Variants in ARHGEF28 observed in about 807,000 individuals in gnomAD.
ARHGEF28 encodes the protein Rho guanine nucleotide exchange factor 28.
In ARHGEF28, 152 loss-of-function variants were observed where a neutral mutation model predicts 206.6. The observed-to-expected ratio is 0.74, with a 90% CI of 0.64 to 0.84. The LOEUF (loss-of-function observed/expected upper bound fraction) is 0.84. Among genes scored for constraint, ARHGEF28 ranks in the 40% least tolerant of loss-of-function variants. The pLI, the probability that ARHGEF28 is intolerant of heterozygous loss-of-function variation, is 0.00. For synonymous variants in ARHGEF28, 763 were observed against 776.4 expected, an observed-to-expected ratio of 0.98 and a Z score of 0.29; for missense variants, 2,028 against 2,073.2, an observed-to-expected ratio of 0.98 and a Z score of 0.42.
chr5:73,909,162 A>C, intron 33 of ARHGEF28: 2 of 391,124 alleles, frequency 5.1e-6, no homozygotes, highest in Non-Finnish European at 9.0e-6. Context: ...ACAGGAGAGG[A>C]TGATATTGCT....
intron 11 of ARHGEF28, 34 bp downstream of exon 11, chr5:73,840,794 A>G (rs1447706740): frequency 1.3e-6 from 2 of 1,569,288 alleles, no homozygotes; most frequent in East Asian, 2.3e-5. Flanking sequence ...AAACTGTAGA[A>G]CATCAAAGAA....
chr5:73,665,817 C>A (rs541849054), intron 1 of ARHGEF28, among the ~76,000 whole-genome samples: 1 of 152,278 alleles, frequency 6.6e-6, no homozygotes, highest in East Asian at 1.9e-4. Context: ...AAGTTTCCAA[C>A]AGGTGCTTTT....
chr5:73,700,246 C>T (rs72770823), intron 2 of ARHGEF28, among the ~76,000 whole-genome samples: 4,736 of 151,968 alleles, frequency 0.031, 103 homozygotes, highest in Middle Eastern at 0.068. Flanking sequence ...TATGGGAACC[C>T]GTGTGTGTGT....
chr5:73,882,627 A>C (rs1561483232), intron 23 of ARHGEF28, 33 bp downstream of exon 23: 4 of 1,428,694 alleles, frequency 2.8e-6, no homozygotes, highest in South Asian at 2.8e-5. Flanking sequence ...ACAAAGTGAT[A>C]AATCAGCATG....
chr5:73,774,249 C>T (rs1421270949), intron 5 of ARHGEF28, among the ~76,000 whole-genome samples: 1 of 152,020 alleles, frequency 6.6e-6, no homozygotes, highest in Non-Finnish European at 1.5e-5. Context: ...TCTCAAAAGG[C>T]TCTGAAAGGA....
intron 35 of ARHGEF28, among the ~76,000 whole-genome samples, chr5:73,940,504 A>G (rs571969707): frequency 2.0e-5 from 3 of 152,144 alleles, no homozygotes; most frequent in Non-Finnish European, 4.4e-5. Flanking sequence ...AATATAGTTG[A>G]TTTACACATA....
intron 2 of ARHGEF28, among the ~76,000 whole-genome samples, chr5:73,728,778 G>A (rs1750432766): frequency 6.6e-6 from 1 of 152,158 alleles, no homozygotes; most frequent in South Asian, 2.1e-4. Context: ...GCTTTCTGTG[G>A]CTGCTCTTTC....
intron 22 of ARHGEF28, among the ~76,000 whole-genome samples, chr5:73,880,769 C>CA (rs1022918783): frequency 6.6e-6 from 1 of 152,060 alleles, no homozygotes; most frequent in Non-Finnish European, 1.5e-5. Flanking sequence ...CCTGTCTCTA[C>CA]AAAAAATACA....
chr5:73,680,528 G>C (rs1219750507), intron 1 of ARHGEF28, among the ~76,000 whole-genome samples: 5 of 151,690 alleles, frequency 3.3e-5, no homozygotes. Flanking sequence ...GATGGGAGGG[G>C]AGTGAGGGAT....
At chr5:73,841,593 T>C (rs1002296827) in intron 11 of ARHGEF28, among the ~76,000 whole-genome samples, 4 of 151,580 alleles carry the variant, frequency 2.6e-5, no homozygotes, top group Admixed American at 6.6e-5. Context: ...GTGGTCCTGA[T>C]ACTTGGCAGG....
At chr5:73,931,502 CTGTT>C (rs1764117654) in intron 35 of ARHGEF28, among the ~76,000 whole-genome samples, 1 of 151,876 alleles carries the variant, frequency 6.6e-6, no homozygotes, top group Non-Finnish European at 1.5e-5. Context: ...TCTGATTTTT[CTGTT>C]TGTTTCATTT....
At chr5:73,747,680 T>C (rs982256778) in intron 2 of ARHGEF28, among the ~76,000 whole-genome samples, 3 of 152,212 alleles carry the variant, frequency 2.0e-5, no homozygotes, top group African/African-American at 7.2e-5. Flanking sequence ...GGTTACCATA[T>C]AAGAGACTTT....
At position 73,909,502 on chromosome 5, in the gene ARHGEF28, C is replaced by T. The variant is rs756393972; in HGVS notation, c.4252C>T (p.Arg1418Ter). 6.2e-7 allele frequency: 1 copy of T among 1,609,494 alleles called. No individual in the cohort carries two copies. The highest frequency in any genetic ancestry group is 2.2e-5 in the East Asian group (1 of 44,728). Residue 1418 changes from arginine (R) to a stop codon, truncating the protein, a stop_gained, in exon 34 of 36, where the codon CGA (arginine) becomes TGA (stop). Transcript: ENST00000513042. LOFTEE classifies it high-confidence loss of function. The stretch of plus-strand genomic sequence containing the variant: ...CCTGTCTCTCGGCCACTCTATCCTC[C>T]GAGGCGGCCCCTTGCAGGACCAGAA... ...EGLSLGHSIL[R>*]GGPLQDQKSR... is the part of the protein sequence containing the mutation.
chr5:73,792,898 A>G (rs537689320), intron 7 of ARHGEF28, among the ~76,000 whole-genome samples: 3 of 152,250 alleles, frequency 2.0e-5, no homozygotes, highest in East Asian at 3.9e-4. Context: ...CCATTTTGAC[A>G]TTCCTACCTC....
At chr5:73,919,618 C>A (rs1432824244) in intron 35 of ARHGEF28, among the ~76,000 whole-genome samples, 2 of 152,188 alleles carry the variant, frequency 1.3e-5, no homozygotes, top group African/African-American at 2.4e-5. Context: ...AGGAAGACTT[C>A]TAATTGTACT....
At chr5:73,774,769 T>C (rs1167474847) in intron 5 of ARHGEF28, among the ~76,000 whole-genome samples, 1 of 152,236 alleles carries the variant, frequency 6.6e-6, no homozygotes, top group Non-Finnish European at 1.5e-5. Context: ...ATAGTGATTT[T>C]TTTGACTTAA....
intron 4 of ARHGEF28, among the ~76,000 whole-genome samples, chr5:73,772,480 G>A (rs1393103852): frequency 6.6e-6 from 1 of 152,204 alleles, no homozygotes; most frequent in African/African-American, 2.4e-5. Context: ...CTGGGCTCAA[G>A]CGATCCTCCC....
At chr5:73,792,650 T>TTC (rs1754550917) in intron 7 of ARHGEF28, among the ~76,000 whole-genome samples, 1 of 151,120 alleles carries the variant, frequency 6.6e-6, no homozygotes, top group South Asian at 2.1e-4. Context: ...TTCTTTTTTT[T>TTC]TTTTTTTTTT....
intron 1 of ARHGEF28, among the ~76,000 whole-genome samples, chr5:73,642,907 A>G (rs1744211470): frequency 6.6e-6 from 1 of 152,222 alleles, no homozygotes; most frequent in South Asian, 2.1e-4. Flanking sequence ...ACATTTTAAT[A>G]TCTATGTAAA....
Sources: gnomAD v4.1 joint callset for allele counts (sites outside exome capture counted in the v4.1 genomes callset) on GRCh38, gnomAD v4.1.1 for gene constraint, MANE v1.5 for transcripts, NCBI Gene and HGNC (gene_info 2026-07-23, HGNC 2026-07-21) for gene names.